Variants in PPM1H observed in about 807,000 individuals in gnomAD.
PPM1H encodes the protein protein phosphatase, Mg2+/Mn2+ dependent 1H, also known as protein phosphatase 1H.
Under a neutral mutation model 54.9 loss-of-function variants are expected in PPM1H, and 27 were observed. That is an observed-to-expected ratio of 0.49 (90% CI 0.36 to 0.68). The LOEUF is 0.68. Ranked by LOEUF, PPM1H falls within the 30% of genes least tolerant of loss-of-function variation. The probability of loss-of-function intolerance (pLI) is 0.00; values close to 1 mark genes in which losing one functional copy is unlikely to be tolerated. For synonymous variants in PPM1H, 305 were observed against 270.8 expected (o/e 1.13, Z -1.24); for missense variants, 596 against 667.8 (o/e 0.89, Z 1.19).
intron 6 of PPM1H, among the ~76,000 whole-genome samples, chr12:62,717,451 CAGAGAGAGAGAG>C (rs60561309): frequency 6.7e-6 from 1 of 148,538 alleles, no homozygotes; most frequent in Admixed American, 6.7e-5. Context: ...CATGCTAATG[CAGAGAGAGAGAG>C]AGAGAGAGAG....
chr12:62,694,782 T>C (rs979334206), intron 6 of PPM1H, among the ~76,000 whole-genome samples: 2 of 152,218 alleles, frequency 1.3e-5, no homozygotes, highest in East Asian at 3.8e-4. Context: ...TCCTCATCTG[T>C]ACAATGAGGC....
At chr12:62,754,839 C>T (rs1303214568) in intron 4 of PPM1H, among the ~76,000 whole-genome samples, 2 of 152,116 alleles carry the variant, frequency 1.3e-5, no homozygotes, top group Admixed American at 6.6e-5. Context: ...TAAAAACAGT[C>T]GAAATGTAAC....
intron 2 of PPM1H, among the ~76,000 whole-genome samples, chr12:62,831,626 C>A (rs1868357786): frequency 1.3e-5 from 2 of 151,822 alleles, no homozygotes. Context: ...GTTACTTCCA[C>A]CCCTCATGAG....
At position 62,846,556 on chromosome 12, in the gene PPM1H, C is replaced by T. The variant is rs139372279; in HGVS notation, c.246-14277G>A. Among the ~76,000 whole-genome samples, 719 of 151,500 alleles carry T rather than the reference C, an allele frequency of 4.7e-3. 10 individuals are homozygous for T. Among genetic ancestry groups the T allele is most frequent in the African/African-American group, 0.017 (699 of 41,208 alleles). On this transcript the variant is annotated intron_variant, in intron 1 of 9. Coordinates refer to ENST00000228705, the MANE Select transcript of PPM1H (RefSeq NM_020700.2). ...TTTTAGCTTACCATATCAGTGTCTT[C>T]CTGACGGGCCCTCTGAATATCCTCA... is the stretch of plus-strand genomic sequence containing the variant.
In PPM1H at chr12:62,934,896, G is replaced by A; in HGVS notation, c.-160C>T. The A allele has an allele frequency of 1.7e-6, 1 of 579,550 alleles. No homozygotes were observed. Among genetic ancestry groups the A allele is most frequent in the Non-Finnish European group, 2.4e-6 (1 of 408,592 alleles). The allele number at this position is 579,550 out of a possible 1,614,324, so 35.9% of individuals were successfully genotyped here. A position where few individuals can be genotyped will look rare whatever the true frequency, so the allele number is the denominator to read the frequency against. ...CTCCCAGAGCCTAGTGCTGCAGGGG[G>A]CCGAGCCCCGGCCTCTCGTGCTTAG... On this transcript the variant is annotated 5_prime_UTR_variant, in exon 1 of 10. Transcript: ENST00000228705. This position sits in a 1 kb window ranked among gnomAD's most constrained non-coding sequence, Gnocchi z 4.2.
chr12:62,881,062 TAAG>T (rs1173261667), intron 1 of PPM1H, among the ~76,000 whole-genome samples: 1 of 152,174 alleles, frequency 6.6e-6, no homozygotes, highest in Non-Finnish European at 1.5e-5. Context: ...TGATCTAACA[TAAG>T]AAGGCACAAA....
intron 1 of PPM1H, among the ~76,000 whole-genome samples, chr12:62,892,301 C>A (rs1469033561): frequency 6.6e-6 from 1 of 152,144 alleles, no homozygotes; most frequent in African/African-American, 2.4e-5. Flanking sequence ...TTGGACATAC[C>A]AGCCTCTTAC....
At chr12:62,888,733 G>A (rs1462009281) in intron 1 of PPM1H, among the ~76,000 whole-genome samples, 1 of 152,154 alleles carries the variant, frequency 6.6e-6, no homozygotes, top group Admixed American at 6.5e-5. Context: ...TCGGGGAGAG[G>A]AGAGAATGGA....
chr12:62,923,397 C>CT (rs1190786951), intron 1 of PPM1H, among the ~76,000 whole-genome samples: 2 of 151,832 alleles, frequency 1.3e-5, no homozygotes, highest in South Asian at 2.1e-4. Context: ...ATTTTTTTTT[C>CT]TTTTTTTGTT....
intron 5 of PPM1H, among the ~76,000 whole-genome samples, chr12:62,723,836 C>T (rs1313524581): frequency 1.3e-5 from 2 of 152,100 alleles, no homozygotes; most frequent in African/African-American, 4.8e-5. Flanking sequence ...TAACAAACCC[C>T]ATGTCTAAGA....
intron 1 of PPM1H, among the ~76,000 whole-genome samples, chr12:62,928,054 A>G (rs2121185416): frequency 6.6e-6 from 1 of 152,344 alleles, no homozygotes; most frequent in East Asian, 1.9e-4. Flanking sequence ...CTTTGAACAA[A>G]TAACTTACCT....
At chr12:62,930,724 A>G (rs1477644965) in intron 1 of PPM1H, among the ~76,000 whole-genome samples, 2 of 152,246 alleles carry the variant, frequency 1.3e-5, no homozygotes, top group Non-Finnish European at 2.9e-5. Context: ...GTTGCTCCCC[A>G]AGGGCTTTAT....
At chr12:62,701,606 A>G (rs929517681) in intron 6 of PPM1H, among the ~76,000 whole-genome samples, 5 of 152,120 alleles carry the variant, frequency 3.3e-5, no homozygotes, top group African/African-American at 1.2e-4. Context: ...GAGGCCCTCC[A>G]TGATCTGGCC....
chr12:62,711,294 A>G (rs2076205801), intron 6 of PPM1H, among the ~76,000 whole-genome samples: 1 of 152,228 alleles, frequency 6.6e-6, no homozygotes, highest in Admixed American at 6.5e-5. Context: ...ACCTGGCCTC[A>G]AGTACCATTA....
intron 1 of PPM1H, among the ~76,000 whole-genome samples, chr12:62,865,043 C>T (rs1169607507): frequency 3.3e-5 from 5 of 152,160 alleles, no homozygotes; most frequent in Non-Finnish European, 5.9e-5. Context: ...AATTCTCTCT[C>T]GGCAGAGGGA....
intron 1 of PPM1H, among the ~76,000 whole-genome samples, chr12:62,915,336 CGA>C (rs1871587725): frequency 6.6e-6 from 1 of 152,246 alleles, no homozygotes; most frequent in Non-Finnish European, 1.5e-5. Flanking sequence ...GCCTCACGCG[CGA>C]CCTTCAGGAG....
At chr12:62,894,023 G>A (rs146322237) in intron 1 of PPM1H, among the ~76,000 whole-genome samples, 66 of 152,224 alleles carry the variant, frequency 4.3e-4, no homozygotes, top group Non-Finnish European at 8.8e-4. Context: ...CTAGCTAGAC[G>A]TGCGAATAAA....
chr12:62,892,678 G>T (rs1870841124), intron 1 of PPM1H, among the ~76,000 whole-genome samples: 1 of 152,098 alleles, frequency 6.6e-6, no homozygotes, highest in Non-Finnish European at 1.5e-5. Context: ...CAACACAATT[G>T]TTATGTCCAA....
At chr12:62,909,621 G>A (rs1414569158) in intron 1 of PPM1H, among the ~76,000 whole-genome samples, 1 of 152,046 alleles carries the variant, frequency 6.6e-6, no homozygotes, top group Non-Finnish European at 1.5e-5. Flanking sequence ...CTCCCTAGAG[G>A]GCTCTTCTCT....
Sources: allele counts gnomAD v4.1 joint callset (sites outside exome capture counted in the v4.1 genomes callset), GRCh38; gene constraint gnomAD v4.1.1; non-coding constraint Gnocchi (gnomAD v3.1); transcripts MANE v1.5; gene names NCBI Gene and HGNC (gene_info 2026-07-23, HGNC 2026-07-21).